The following TUB variants were observed in gnomAD, a reference collection of about 807,000 sequenced individuals.
TUB encodes the protein tubby protein homolog.
TUB carries 33 observed loss-of-function variants against 59.7 expected under a neutral mutation model. That is an observed-to-expected ratio of 0.55 (90% CI 0.42 to 0.74). TUB has a LOEUF of 0.74. Among genes scored for constraint, TUB ranks in the 30% least tolerant of loss-of-function variants. TUB has a pLI of 0.00. For missense variants in TUB, 659 were observed against 672.0 expected, an observed-to-expected ratio of 0.98 and a Z score of 0.21; for synonymous variants, 293 against 256.4, an observed-to-expected ratio of 1.14 and a Z score of -1.36.
In TUB at chr11:8,101,887, G is replaced by C. The variant is rs565082654; in HGVS notation, c.*268G>C. 1.4e-4 allele frequency: 70 copies of C among 489,056 alleles called. No individual in the cohort carries two copies. In the East Asian group the frequency reaches 2.4e-3, roughly 17 times the overall value. The allele number at this position is 489,056 out of a possible 1,614,324, so 30.3% of individuals were successfully genotyped here. ...AGATCAACACACACTCCCACCCTTG[G>C]GGTAGTAGTGTGTTGTAGTCGTACT... On this transcript the variant is annotated 3_prime_UTR_variant, in exon 12 of 12. Coordinates refer to ENST00000299506, the MANE Select transcript of TUB (RefSeq NM_177972.3).
intron 11 of TUB, 87 bp from the exon 12 acceptor site, chr11:8,101,399 A>G (rs1944295197): frequency 3.9e-6 from 6 of 1,525,850 alleles, no homozygotes; most frequent in African/African-American, 2.7e-5. Context: ...TTCTTCCCTC[A>G]TGTGGTTTGG....
chr11:8,098,806 C>T lies in TUB; in HGVS notation c.1047C>T (p.Asn349=). The T allele has an allele frequency of 6.2e-7, 1 of 1,614,198 alleles. No individual in the cohort carries two copies. Among genetic ancestry groups the T allele is most frequent in the African/African-American group, 1.3e-5 (1 of 75,056 alleles). ...TKFTVYDNGV[N]PQKASSSTLE... is the part of the protein sequence containing the mutation. ...TCACTGTTTATGACAATGGAGTCAA[C>T]CCTCAGAAGGCCTCATCCTCCACTT... The change falls in exon 9 of 12, where the codon AAC becomes AAT. Residue 349 remains asparagine (N), a synonymous_variant. Transcript: ENST00000299506.
Position 8,104,174 on chromosome 11 carries a change from T to G in TUB, c.*2555T>G, listed in dbSNP as rs1944424083. 1 of 152,304 alleles carries G rather than the reference T, an allele frequency of 6.6e-6. No homozygotes were observed. The highest frequency in any genetic ancestry group is 6.5e-5 in the Admixed American group (1 of 15,282). 9.4% of individuals were successfully genotyped at this position (152,304 alleles called of 1,614,324 possible). A position where few individuals can be genotyped will look rare whatever the true frequency, so the allele number is the denominator to read the frequency against. On this transcript the variant is annotated 3_prime_UTR_variant, in exon 12 of 12. Coordinates refer to ENST00000299506, the MANE Select transcript of TUB (RefSeq NM_177972.3). ...TCTCCCACAATAAGAGTTCTTGCCC[T>G]TCATACCCTCTACCTGGATGGATGG... is the stretch of plus-strand genomic sequence containing the variant.
intron 8 of TUB, 108 bp downstream of exon 8, chr11:8,097,934 T>C (rs1475029592): frequency 1.2e-6 from 1 of 808,058 alleles, no homozygotes; most frequent in African/African-American, 1.7e-5. Context: ...CAGGGATGGA[T>C]ACTCTCCCAG....
chr11:8,035,008 C>T (rs1942627024), upstream of TUB, among the ~76,000 whole-genome samples: 1 of 152,222 alleles, frequency 6.6e-6, no homozygotes, highest in African/African-American at 2.4e-5. Flanking sequence ...TCGCATGATG[C>T]GTTTTCAATG....
At position 8,102,638 on chromosome 11, in the gene TUB, C is replaced by G. The variant is rs928236956; in HGVS notation, c.*1019C>G. On this transcript the variant is annotated 3_prime_UTR_variant, in exon 12 of 12. Coordinates refer to ENST00000299506, the MANE Select transcript of TUB (RefSeq NM_177972.3). ...TCTCTGGAAAGACCCAACTTTCTCACTGCTGTCAGCCAAGTCATGGTTGGT... is the reference window on the plus strand; with the variant it reads ...TCTCTGGAAAGACCCAACTTTCTCAGTGCTGTCAGCCAAGTCATGGTTGGT... The G allele has an allele frequency of 6.6e-6, 1 of 152,262 alleles. No homozygotes were observed. The highest frequency in any genetic ancestry group is 1.5e-5 in the Non-Finnish European group (1 of 68,072). The allele number at this position is 152,262 out of a possible 1,614,324, so 9.4% of individuals were successfully genotyped here.
rs1029400399 is a variant in TUB at position 8,081,360 on chromosome 11, C to T, written c.-151C>T. ...CGCTCGCAGAGCCAGCAGCCGGGGC[C>T]CTGGCGTGCAGCGCGGGCCTCGGCG... On this transcript the variant is annotated 5_prime_UTR_variant, in exon 1 of 12. Coordinates refer to ENST00000299506, the MANE Select transcript of TUB (RefSeq NM_177972.3). The T allele has an allele frequency of 3.8e-5, 38 of 988,636 alleles. No homozygotes were observed. The highest frequency in any genetic ancestry group is 5.2e-4 in the Middle Eastern group (1 of 1,934). 61.2% of individuals were successfully genotyped at this position (988,636 alleles called of 1,614,324 possible). A position where few individuals can be genotyped will look rare whatever the true frequency, so the allele number is the denominator to read the frequency against.
chr11:8,080,139 C>T (rs1467407558), upstream of TUB, among the ~76,000 whole-genome samples: 1 of 152,162 alleles, frequency 6.6e-6, no homozygotes, highest in Non-Finnish European at 1.5e-5. Context: ...ACACTCTCTG[C>T]GGGGCAGTCC....
chr11:8,049,578 T>TATATATATATATATATATATATAG (rs1055522231), intron 2 of TUB, among the ~76,000 whole-genome samples: 20 of 85,922 alleles, frequency 2.3e-4, no homozygotes, highest in Non-Finnish European at 5.4e-4. Flanking sequence ...TATATATATA[T>TATATATATATATATATATATATAG]ATAGATAGAT....
Position 8,101,874 on chromosome 11 carries a change from A to C in TUB, c.*255A>C. On this transcript the variant is annotated 3_prime_UTR_variant, in exon 12 of 12. Coordinates refer to ENST00000299506, the MANE Select transcript of TUB (RefSeq NM_177972.3). ...TTTCCATGCCACGAGATCAACACAC[A>C]CTCCCACCCTTGGGGTAGTAGTGTG... 5.7e-6 allele frequency: 3 copies of C among 524,174 alleles called. No individual in the cohort carries two copies. The highest frequency in any genetic ancestry group is 3.4e-5 in the East Asian group (1 of 29,492). 32.5% of individuals were successfully genotyped at this position (524,174 alleles called of 1,614,324 possible).
At chr11:8,035,609 C>G (rs1234948329), upstream of TUB, 3 of 152,342 alleles carry the variant, frequency 2.0e-5, no homozygotes, top group Non-Finnish European at 4.4e-5. Flanking sequence ...CTGGACCCTG[C>G]TTCAGCCGTC....
chr11:8,104,896 CAAGT>C lies in TUB; in HGVS notation c.*3279_*3282del, dbSNP rs1486824502. 1.4e-5 allele frequency: 2 copies of C among 148,092 alleles called. No individual in the cohort carries two copies. The highest frequency in any genetic ancestry group is 4.9e-5 in the African/African-American group (2 of 40,462). The allele number at this position is 148,092 out of a possible 1,614,324, so 9.2% of individuals were successfully genotyped here. A position where few individuals can be genotyped will look rare whatever the true frequency, so the allele number is the denominator to read the frequency against. ...TTTCGGAGCCTGCCTCCTTCAGTGACAAGTAGGGCACAAAATTCTAGAAGCAGAA... is the reference window on the plus strand; with the variant it reads ...TTTCGGAGCCTGCCTCCTTCAGTGACAGGGCACAAAATTCTAGAAGCAGAA... On this transcript the variant is annotated 3_prime_UTR_variant, in exon 12 of 12. Coordinates refer to ENST00000299506, the MANE Select transcript of TUB (RefSeq NM_177972.3).
intron 2 of TUB, chr11:8,075,753 A>G (rs1943438473): frequency 1.3e-5 from 2 of 151,940 alleles, no homozygotes; most frequent in Admixed American, 1.3e-4. Flanking sequence ...GAGTTACACC[A>G]TCTCTTTCCC....
chr11:8,079,966 T>C (rs1214237694), upstream of TUB, among the ~76,000 whole-genome samples: 1 of 152,198 alleles, frequency 6.6e-6, no homozygotes, highest in Non-Finnish European at 1.5e-5. Flanking sequence ...ACACAGCTCC[T>C]GACGCCCAGC....
chr11:8,030,022 G>A (rs1413988648), intron 1 of TUB, among the ~76,000 whole-genome samples: 1 of 152,182 alleles, frequency 6.6e-6, no homozygotes, highest in East Asian at 1.9e-4. Context: ...TGGCGTTAGA[G>A]GGCAGTGAGT....
At chr11:8,062,831 A>T (rs1035875744) in intron 2 of TUB, among the ~76,000 whole-genome samples, 1 of 151,724 alleles carries the variant, frequency 6.6e-6, no homozygotes, top group African/African-American at 2.4e-5. Flanking sequence ...GCGGACACCT[A>T]CCCGGGGCCA....
At chr11:8,067,579 A>C (rs1226234059) in intron 2 of TUB, 1 of 152,200 alleles carries the variant, frequency 6.6e-6, no homozygotes, top group Non-Finnish European at 1.5e-5. Flanking sequence ...TTCACCCGAC[A>C]AATATTTATT....
chr11:8,080,862 C>G (rs1457602042), upstream of TUB, among the ~76,000 whole-genome samples: 1 of 152,224 alleles, frequency 6.6e-6, no homozygotes, highest in Non-Finnish European at 1.5e-5. Context: ...TGGATTCCTT[C>G]TCCATCCGCG....
At chr11:8,031,309 T>C (rs892526268) in intron 1 of TUB, among the ~76,000 whole-genome samples, 1 of 152,230 alleles carries the variant, frequency 6.6e-6, no homozygotes, top group African/African-American at 2.4e-5. Context: ...ACTGGCCCTT[T>C]CCTGGGCCCA....
Sources: allele counts gnomAD v4.1 joint callset (sites outside exome capture counted in the v4.1 genomes callset), GRCh38; gene constraint gnomAD v4.1.1; transcripts MANE v1.5; gene names NCBI Gene and HGNC (gene_info 2026-07-23, HGNC 2026-07-21).